The following ZNF319 variants were observed in gnomAD, a reference collection of about 807,000 sequenced individuals.
The protein encoded by ZNF319 is zinc finger protein 319.
ZNF319 carries 15 observed loss-of-function variants against 46.0 expected under a neutral mutation model. The ratio of observed to expected loss-of-function variants is 0.33; its 90% CI spans 0.22 to 0.50. ZNF319 has a LOEUF of 0.50. Among genes scored for constraint, ZNF319 ranks in the 20% least tolerant of loss-of-function variants. The pLI is 0.98. For synonymous variants in ZNF319, 368 were observed against 364.0 expected (o/e 1.01, Z -0.13); for missense variants, 635 against 807.0 (o/e 0.79, Z 2.58).
Position 57,998,201 on chromosome 16 carries a change from T to C in ZNF319, c.65A>G (p.Gln22Arg). ...QPQQPQPPQP[Q>R]HHAEPPPALA... is the part of the protein sequence containing the mutation. ...GGCTGGCGGTGGCTCTGCATGGTGCTGAGGCTGCGGTGGCTGTGGCTGCTG... is the reference window on the plus strand; with the variant it reads ...GGCTGGCGGTGGCTCTGCATGGTGCCGAGGCTGCGGTGGCTGTGGCTGCTG... Residue 22 changes from glutamine (Q) to arginine (R), a missense_variant, in exon 2 of 2, where the codon CAG becomes CGG. Coordinates refer to ENST00000299237, the MANE Select transcript of ZNF319 (RefSeq NM_020807.3). 6.5e-7 allele frequency: 1 copy of C among 1,544,942 alleles called. No individual in the cohort carries two copies. The highest frequency in any genetic ancestry group is 8.7e-7 in the Non-Finnish European group (1 of 1,144,628).
In ZNF319 at chr16:57,997,062, G is replaced by C; in HGVS notation, c.1204C>G (p.Pro402Ala). The C allele has an allele frequency of 6.2e-7, 1 of 1,613,468 alleles. No homozygotes were observed. Among genetic ancestry groups the C allele is most frequent in the East Asian group, 2.2e-5 (1 of 44,814 alleles). ...TGGTCAAAGCCTTTCTGGCACACGG[G>C]GCACTTGAAGAGAGTCTCGAGGGTG... ...VHTLETLFKC[P>A]VCQKGFDQSA... Residue 402 changes from proline to alanine, a missense_variant, in exon 2 of 2, where the codon CCC (proline) becomes GCC (alanine). Coordinates refer to ENST00000299237, the MANE Select transcript of ZNF319 (RefSeq NM_020807.3).
At position 57,997,350 on chromosome 16, in the gene ZNF319, G is replaced by T. The variant is rs1222424447; in HGVS notation, c.916C>A (p.Pro306Thr). ...GGCCGCTCCCCACTTGGCGTGCACG[G>T]GTGCTGCAGCAGCTCCGACGACTCC... Reference protein sequence around the residue: ...FKESSELLQHPCTPSGERPFR... With the variant: ...FKESSELLQHTCTPSGERPFR... Residue 306 changes from proline to threonine, a missense_variant, in exon 2 of 2, where the codon CCG becomes ACG. Physicochemically the swap from Pro to Thr is conservative, Grantham distance 38. Around this residue, in one of 3 missense-constraint regions of ZNF319, gnomAD observed 138 missense variants for 248.0 expected, o/e 0.56. Transcript: ENST00000299237. 6.2e-7 allele frequency: 1 copy of T among 1,611,904 alleles called. No individual in the cohort carries two copies. Among genetic ancestry groups the T allele is most frequent in the East Asian group, 2.2e-5 (1 of 44,874 alleles).
chr16:57,996,836 C>G lies in ZNF319; in HGVS notation c.1430G>C (p.Arg477Pro). Residue 477 changes from arginine (R) to proline (P), a missense_variant, in exon 2 of 2, where the codon CGC becomes CCC. Transcript: ENST00000299237. Reference protein sequence around the residue: ...FFSSSEFVQHRCDPAREKPLK... With the variant: ...FFSSSEFVQHPCDPAREKPLK... ...TGGCTTCTCGCGGGCCGGATCGCAG[C>G]GGTGCTGCACGAACTCGGAAGAGGA... 2 of 1,606,286 alleles carry G rather than the reference C, an allele frequency of 1.2e-6. No homozygotes were observed. Among genetic ancestry groups the G allele is most frequent in the Non-Finnish European group, 1.7e-6 (2 of 1,178,396 alleles).
In ZNF319 at chr16:57,998,029, G is replaced by A. The variant is rs769980458; in HGVS notation, c.237C>T (p.Gly79=). 3.5e-5 allele frequency: 57 copies of A among 1,611,308 alleles called. No individual in the cohort carries two copies. The highest frequency in any genetic ancestry group is 1.7e-4 in the Admixed American group (10 of 60,002). ...QAAGEPGPKC[G]VCGHDLAHLS... ...GGTGCGCCAGGTCGTGACCACACAC[G>A]CCACATTTGGGGCCTGGCTCTCCTG... The change falls in exon 2 of 2, where the codon GGC becomes GGT. Residue 79 remains glycine (G), a synonymous_variant. Transcript: ENST00000299237.
In ZNF319 at chr16:57,998,357, G is replaced by T. The variant is rs756706755; in HGVS notation, c.-92C>A. On this transcript the variant is annotated 5_prime_UTR_variant, in exon 2 of 2. The change creates a new upstream start codon in the 5' untranslated region. Transcript: ENST00000299237. ...CAGAGAGAGAAGCTGCCCAATCACA[G>T]AGATGGACAAGGACCTCAGACAAGG... The T allele has an allele frequency of 4.2e-4, 628 of 1,507,578 alleles. 1 individual carries two copies. Among genetic ancestry groups the T allele is most frequent in the Middle Eastern group, 5.6e-4 (3 of 5,390 alleles). The allele number at this position is 1,507,578 out of a possible 1,614,324, so 93.4% of individuals were successfully genotyped here. A position where few individuals can be genotyped will look rare whatever the true frequency, so the allele number is the denominator to read the frequency against.
In ZNF319 at chr16:57,995,369, C is replaced by A. The variant is rs1962992320; in HGVS notation, c.*1148G>T. 6.6e-6 allele frequency: 1 copy of A among 152,386 alleles called. No individual in the cohort carries two copies. Among genetic ancestry groups the A allele is most frequent in the Non-Finnish European group, 1.5e-5 (1 of 68,048 alleles). 9.4% of individuals were successfully genotyped at this position (152,386 alleles called of 1,614,324 possible). A position where few individuals can be genotyped will look rare whatever the true frequency, so the allele number is the denominator to read the frequency against. ...GACCTAGGGGGACTCTAGGAGGACC[C>A]AAAGGACACTCTGGCCTTTGAAGTA... On this transcript the variant is annotated 3_prime_UTR_variant, in exon 2 of 2. Transcript: ENST00000299237.
rs768676118 is a variant in ZNF319, at chr16:57,997,721, G to A, written c.545C>T (p.Ser182Leu). The change falls in exon 2 of 2, where the codon TCG becomes TTG. Residue 182 changes from serine to leucine, a missense_variant. Coordinates refer to ENST00000299237, the MANE Select transcript of ZNF319 (RefSeq NM_020807.3). ...AAEPATTAAPSLPAAPAPSTV... is the reference protein window; with the variant it reads ...AAEPATTAAPLLPAAPAPSTV... The stretch of plus-strand genomic sequence containing the variant: ...GGAAGGCGCGGGTGCTGCGGGAAGC[G>A]ACGGGGCGGCTGTGGTGGCTGGCTC... 1.2e-6 allele frequency: 2 copies of A among 1,613,668 alleles called. No individual in the cohort carries two copies. Among genetic ancestry groups the A allele is most frequent in the Admixed American group, 1.7e-5 (1 of 60,034 alleles).
chr16:58,000,169 T>C lies in ZNF319; in HGVS notation c.-934A>G, dbSNP rs1963132403. Reference sequence around the variant, plus strand: ...CCCTCGTCCGGGATGGCCCGGCCGCTGCGACCCGAGGGCGAGCCCCGAGGG... The same window carrying C: ...CCCTCGTCCGGGATGGCCCGGCCGCCGCGACCCGAGGGCGAGCCCCGAGGG... On this transcript the variant is annotated 5_prime_UTR_variant, in exon 1 of 2. Transcript: ENST00000299237. This position sits in a 1 kb window ranked among gnomAD's most constrained non-coding sequence, Gnocchi z 4.5. Among the ~76,000 whole-genome samples, 1 of 152,030 alleles carries C rather than the reference T, an allele frequency of 6.6e-6. No individual in the cohort carries two copies. The highest frequency in any genetic ancestry group is 2.4e-5 in the African/African-American group (1 of 41,396).
chr16:57,996,996 C>G lies in ZNF319; in HGVS notation c.1270G>C (p.Ala424Pro), dbSNP rs781309375. 1.2e-6 allele frequency: 2 copies of G among 1,606,194 alleles called. No homozygotes were observed. The highest frequency in any genetic ancestry group is 8.5e-7 in the Non-Finnish European group (1 of 1,178,570). The change falls in exon 2 of 2, where the codon GCC becomes CCC. Residue 424 changes from alanine to proline, a missense_variant. Coordinates refer to ENST00000299237, the MANE Select transcript of ZNF319 (RefSeq NM_020807.3). ...LLRHKCLPGA[A>P]ERPFKCPVCN... Reference sequence around the variant, plus strand: ...ACAGGGCACTTGAAGGGCCGCTCGGCCGCGCCGGGCAGGCACTTGTGCCGC... The same window carrying G: ...ACAGGGCACTTGAAGGGCCGCTCGGGCGCGCCGGGCAGGCACTTGTGCCGC...
chr16:57,997,229 T>C lies in ZNF319; in HGVS notation c.1037A>G (p.Asp346Gly), dbSNP rs1175988713. Residue 346 changes from aspartate (D) to glycine (G), a missense_variant, in exon 2 of 2, where the codon GAC becomes GGC. Asp to Gly is a moderately conservative substitution (Grantham distance 94, BLOSUM62 -1). Around this residue, in one of 3 missense-constraint regions of ZNF319, gnomAD observed 138 missense variants for 248.0 expected, o/e 0.56. Coordinates refer to ENST00000299237, the MANE Select transcript of ZNF319 (RefSeq NM_020807.3). The part of the protein sequence containing the change: ...THSAERPFKC[D>G]LCPMGFKQQY... Reference sequence around the variant, plus strand: ...CTGCTTGAAGCCCATGGGGCACAGGTCGCACTTGAAGGGCCGCTCGGCGCT... The same window carrying C: ...CTGCTTGAAGCCCATGGGGCACAGGCCGCACTTGAAGGGCCGCTCGGCGCT... 3 of 1,609,688 alleles carry C rather than the reference T, an allele frequency of 1.9e-6. No homozygotes were observed. The highest frequency in any genetic ancestry group is 2.5e-6 in the Non-Finnish European group (3 of 1,179,056).
Position 57,996,598 on chromosome 16 carries a change from C to A in ZNF319, c.1668G>T (p.Leu556Phe). 6.2e-7 allele frequency: 1 copy of A among 1,605,034 alleles called. No homozygotes were observed. Among genetic ancestry groups the A allele is most frequent in the Non-Finnish European group, 8.5e-7 (1 of 1,179,194 alleles). The change falls in exon 2 of 2, where the codon TTG becomes TTT. Residue 556 changes from leucine to phenylalanine, a missense_variant. Physicochemically the swap from Leu to Phe is conservative, Grantham distance 22. This residue lies in a region of ZNF319 where 270 missense variants were observed against 281.4 expected (regional missense o/e 0.96). Coordinates refer to ENST00000299237, the MANE Select transcript of ZNF319 (RefSeq NM_020807.3). ...WCGERFLDVA[L>F]LQEHSAQHSA... The stretch of plus-strand genomic sequence containing the variant: ...TGTGCTGCGCGCTGTGCTCCTGCAA[C>A]AAGGCCACGTCTAGGAAGCGCTCCC...
rs1030063438 is a variant in ZNF319, at chr16:57,996,454, G to T, written c.*63C>A. ...AGGCAGCTGTGAGGAGCTAGGCTGCGCGAGGCCTGCTGGGCCCACGGCGCC... is the reference window on the plus strand; with the variant it reads ...AGGCAGCTGTGAGGAGCTAGGCTGCTCGAGGCCTGCTGGGCCCACGGCGCC... On this transcript the variant is annotated 3_prime_UTR_variant, in exon 2 of 2. Coordinates refer to ENST00000299237, the MANE Select transcript of ZNF319 (RefSeq NM_020807.3). 1 of 1,450,436 alleles carries T rather than the reference G, an allele frequency of 6.9e-7. No individual in the cohort carries two copies. The highest frequency in any genetic ancestry group is 9.0e-7 in the Non-Finnish European group (1 of 1,107,482). The allele number at this position is 1,450,436 out of a possible 1,614,324, so 89.8% of individuals were successfully genotyped here. A position where few individuals can be genotyped will look rare whatever the true frequency, so the allele number is the denominator to read the frequency against.
At position 57,998,028 on chromosome 16, in the gene ZNF319, C is replaced by G. The variant is rs746044974; in HGVS notation, c.238G>C (p.Val80Leu). 6.2e-7 allele frequency: 1 copy of G among 1,611,564 alleles called. No individual in the cohort carries two copies. Reference sequence around the variant, plus strand: ...AGGTGCGCCAGGTCGTGACCACACACGCCACATTTGGGGCCTGGCTCTCCT... The same window carrying G: ...AGGTGCGCCAGGTCGTGACCACACAGGCCACATTTGGGGCCTGGCTCTCCT... ...AAGEPGPKCG[V>L]CGHDLAHLSS... The change falls in exon 2 of 2, where the codon GTG becomes CTG. Residue 80 changes from valine to leucine, a missense_variant. Val to Leu is a conservative substitution (Grantham distance 32). Around this residue, in one of 3 missense-constraint regions of ZNF319, gnomAD observed 227 missense variants for 277.5 expected, o/e 0.82. Transcript: ENST00000299237.
In ZNF319 at chr16:57,998,131, C is replaced by T. The variant is rs916570531; in HGVS notation, c.135G>A (p.Leu45=). ...TLPPGTAENP[L]GCAVYGILLQ... is the part of the protein sequence containing the mutation. ...GGAGGATGCCATAGACGGCACAGCC[C>T]AGGGGGTTCTCCGCCGTGCCCGGAG... Residue 45 remains leucine, a synonymous_variant, in exon 2 of 2, where the codon CTG becomes CTA. Transcript: ENST00000299237. The T allele has an allele frequency of 6.3e-7, 1 of 1,595,634 alleles. No homozygotes were observed. Among genetic ancestry groups the T allele is most frequent in the Non-Finnish European group, 8.6e-7 (1 of 1,168,486 alleles).
Position 58,000,560 on chromosome 16 carries a change from G to C in ZNF319, c.-1325C>G, listed in dbSNP as rs1209150441. ...TGCGGCCGGACCGGGGGCGGGGGAC[G>C]GGCTAGCGGCGGCCGGAACGGAGGA... On this transcript the variant is annotated 5_prime_UTR_variant, in exon 1 of 2. Coordinates refer to ENST00000299237, the MANE Select transcript of ZNF319 (RefSeq NM_020807.3). The surrounding 1 kb of genome is among the most constrained non-coding windows in gnomAD (Gnocchi z 4.5). 6.7e-6 allele frequency: 1 copy of C among 150,174 alleles called. No homozygotes were observed. The highest frequency in any genetic ancestry group is 2.4e-5 in the African/African-American group (1 of 41,210). The allele number at this position is 150,174 out of a possible 1,614,324, so 9.3% of individuals were successfully genotyped here. A position where few individuals can be genotyped will look rare whatever the true frequency, so the allele number is the denominator to read the frequency against.
In ZNF319 at chr16:57,997,877, T is replaced by C; in HGVS notation, c.389A>G (p.Lys130Arg). Reference sequence around the variant, plus strand: ...CTTGCAGACCCCACAGACGAAGGGCTTCTGCTCAGCCTGCACGCACTGGTG... The same window carrying C: ...CTTGCAGACCCCACAGACGAAGGGCCTCTGCTCAGCCTGCACGCACTGGTG... ...LEHQCVQAEQKPFVCGVCKMG... is the reference protein window; with the variant it reads ...LEHQCVQAEQRPFVCGVCKMG... The change falls in exon 2 of 2, where the codon AAG (lysine) becomes AGG (arginine). Residue 130 changes from lysine (K) to arginine (R), a missense_variant. Coordinates refer to ENST00000299237, the MANE Select transcript of ZNF319 (RefSeq NM_020807.3). 1 of 1,613,444 alleles carries C rather than the reference T, an allele frequency of 6.2e-7. No individual in the cohort carries two copies. Among genetic ancestry groups the C allele is most frequent in the Non-Finnish European group, 8.5e-7 (1 of 1,180,022 alleles).
Position 57,997,966 on chromosome 16 carries a change from A to G in ZNF319, c.300T>C (p.His100=), listed in dbSNP as rs1963058242. 1 of 1,613,540 alleles carries G rather than the reference A, an allele frequency of 6.2e-7. No homozygotes were observed. The highest frequency in any genetic ancestry group is 8.5e-7 in the Non-Finnish European group (1 of 1,180,044). Residue 100 remains histidine, a synonymous_variant, in exon 2 of 2, where the codon CAT becomes CAC. Transcript: ENST00000299237. ...ACTGTGTGCACTGGAATGAGCGGTC[A>G]TGGCCCGCCAGACACTGGTGCTCAT... The part of the protein sequence containing the change: ...SPHEHQCLAG[H]DRSFQCTQCL...
Position 57,998,474 on chromosome 16 carries a change from G to A in ZNF319, c.-209C>T. On this transcript the variant is annotated 5_prime_UTR_variant, in exon 2 of 2. Transcript: ENST00000299237. ...TACAGGACATGGGGGCTCTTCAAGG[G>A]AGGGTCCCAGCAGTGCCGGGGAGAC... The A allele has an allele frequency of 1.5e-6, 1 of 683,882 alleles. No individual in the cohort carries two copies. The highest frequency in any genetic ancestry group is 2.3e-6 in the Non-Finnish European group (1 of 434,760). The allele number at this position is 683,882 out of a possible 1,614,324, so 42.4% of individuals were successfully genotyped here.
Position 57,997,182 on chromosome 16 carries a change from G to C in ZNF319, c.1084C>G (p.Arg362Gly). 3 of 1,613,902 alleles carry C rather than the reference G, an allele frequency of 1.9e-6. No individual in the cohort carries two copies. Among genetic ancestry groups the C allele is most frequent in the Non-Finnish European group, 2.5e-6 (3 of 1,179,962 alleles). ...GGCTCCTCGGTCTTGTGTGTGCGCC[G>C]GTGGCGCATCAGTGCGTACTGCTGC... ...FKQQYALMRHRRTHKTEEPFK... is the reference protein window; with the variant it reads ...FKQQYALMRHGRTHKTEEPFK... The change falls in exon 2 of 2, where the codon CGG becomes GGG. Residue 362 changes from arginine to glycine, a missense_variant. Physicochemically the swap from Arg to Gly is moderately radical, Grantham distance 125 (BLOSUM62 -2). Coordinates refer to ENST00000299237, the MANE Select transcript of ZNF319 (RefSeq NM_020807.3).
Sources: gnomAD v4.1 joint callset for allele counts (sites outside exome capture counted in the v4.1 genomes callset) on GRCh38, gnomAD v4.1.1 for gene constraint, gnomAD v4.1.1 regional missense constraint, Gnocchi (gnomAD v3.1) non-coding constraint, MANE v1.5 for transcripts, NCBI Gene and HGNC (gene_info 2026-07-23, HGNC 2026-07-21) for gene names.